Variants in FBLL1 observed in about 807,000 individuals in gnomAD.
FBLL1 encodes the protein RNA 2'-O-methyltransferase FBLL1.
Under a neutral mutation model 5.7 loss-of-function variants are expected in FBLL1, and 6 were observed. The observed-to-expected ratio is 1.05, with a 90% CI of 0.57 to 2.07. The LOEUF is 2.07. Ranked by LOEUF, FBLL1 falls within the 30% of genes most tolerant of loss-of-function variation. FBLL1 has a pLI of 0.00. For synonymous variants in FBLL1, 133 were observed against 75.1 expected, an observed-to-expected ratio of 1.77 and a Z score of -3.99; for missense variants, 258 against 165.2, an observed-to-expected ratio of 1.56 and a Z score of -3.08.
chr5:168,530,476 C>G lies in FBLL1; in HGVS notation c.972C>G (p.Val324=). The G allele has an allele frequency of 1.3e-6, 1 of 762,986 alleles. No homozygotes were observed. The highest frequency in any genetic ancestry group is 1.7e-5 in the African/African-American group (1 of 59,210). 47.3% of individuals were successfully genotyped at this position (762,986 alleles called of 1,614,324 possible). Residue 324 remains valine (V), a synonymous_variant, in exon 1 of 1, where the codon GTC becomes GTG. Transcript: ENST00000338333. The surrounding 1 kb of genome is among the most constrained non-coding windows in gnomAD (Gnocchi z 4.9). ...GGGACCACGCTGTGGTGGTCGGGGT[C>G]TACCGACCTCTTCCCAAGAGCAGCA... ...YERDHAVVVG[V]YRPLPKSSSK
Position 168,530,473 on chromosome 5 carries a change from G to T in FBLL1, c.969G>T (p.Gly323=). ...AGCGGGACCACGCTGTGGTGGTCGG[G>T]GTCTACCGACCTCTTCCCAAGAGCA... ...PYERDHAVVV[G]VYRPLPKSSS... The change falls in exon 1 of 1, where the codon GGG becomes GGT. Residue 323 remains glycine, a synonymous_variant. Coordinates refer to ENST00000338333, the MANE Select transcript of FBLL1 (RefSeq NM_001355274.2). This position sits in a 1 kb window ranked among gnomAD's most constrained non-coding sequence, Gnocchi z 4.9. 1 of 763,192 alleles carries T rather than the reference G, an allele frequency of 1.3e-6. No homozygotes were observed. The highest frequency in any genetic ancestry group is 2.4e-6 in the Non-Finnish European group (1 of 417,118). The allele number at this position is 763,192 out of a possible 1,614,324, so 47.3% of individuals were successfully genotyped here. A position where few individuals can be genotyped will look rare whatever the true frequency, so the allele number is the denominator to read the frequency against.
chr5:168,530,016 C>T lies in FBLL1; in HGVS notation c.512C>T (p.Pro171Leu). 1.3e-6 allele frequency: 1 copy of T among 754,710 alleles called. No individual in the cohort carries two copies. Among genetic ancestry groups the T allele is most frequent in the Non-Finnish European group, 2.4e-6 (1 of 413,036 alleles). 46.8% of individuals were successfully genotyped at this position (754,710 alleles called of 1,614,324 possible). ...GGGGTGGACCAGATCCACATCAAGC[C>T]CAAGTCCAAGGTGCTGTACCTGGGC... is the stretch of plus-strand genomic sequence containing the variant. ...LGGVDQIHIK[P>L]KSKVLYLGAA... Residue 171 changes from proline (P) to leucine (L), a missense_variant, in exon 1 of 1, where the codon CCC becomes CTC. Physicochemically the swap from Pro to Leu is moderately conservative, Grantham distance 98. Transcript: ENST00000338333. This position sits in a 1 kb window ranked among gnomAD's most constrained non-coding sequence, Gnocchi z 4.9.
Position 168,530,068 on chromosome 5 carries a change from T to A in FBLL1, c.564T>A (p.His188Gln). The change falls in exon 1 of 1, where the codon CAT becomes CAA. Residue 188 changes from histidine (H) to glutamine (Q), a missense_variant. By Grantham distance (24) the His-to-Gln change is conservative (BLOSUM62 0). Coordinates refer to ENST00000338333, the MANE Select transcript of FBLL1 (RefSeq NM_001355274.2). This position sits in a 1 kb window ranked among gnomAD's most constrained non-coding sequence, Gnocchi z 4.9. Reference sequence around the variant, plus strand: ...CCGCGTCGGGCACCACCGTCTCCCATGTCTCCGACATCATTGGCCCAGACG... The same window carrying A: ...CCGCGTCGGGCACCACCGTCTCCCAAGTCTCCGACATCATTGGCCCAGACG... Reference protein sequence around the residue: ...LGAASGTTVSHVSDIIGPDGL... With the variant: ...LGAASGTTVSQVSDIIGPDGL... The A allele has an allele frequency of 1.3e-6, 1 of 758,666 alleles. No individual in the cohort carries two copies. Among genetic ancestry groups the A allele is most frequent in the Non-Finnish European group, 2.4e-6 (1 of 415,194 alleles). The allele number at this position is 758,666 out of a possible 1,614,324, so 47.0% of individuals were successfully genotyped here.
rs1239674311 is a variant in FBLL1, at chr5:168,529,668, G to A, written c.164G>A (p.Arg55His). ...AAGGGCGGCTTCGGGGCGCGGGCGC[G>A]CGGCTTCGGCGGGGGCGGCCGGGGC... is the stretch of plus-strand genomic sequence containing the variant. ...GGKGGFGARA[R>H]GFGGGGRGRG... The change falls in exon 1 of 1, where the codon CGC (arginine) becomes CAC (histidine). Residue 55 changes from arginine (R) to histidine (H), a missense_variant. By Grantham distance (29) the Arg-to-His change is conservative. Transcript: ENST00000338333. This position sits in a 1 kb window ranked among gnomAD's most constrained non-coding sequence, Gnocchi z 7.2. The A allele has an allele frequency of 1.8e-5, 3 of 164,718 alleles. No individual in the cohort carries two copies. The highest frequency in any genetic ancestry group is 2.4e-5 in the African/African-American group (1 of 41,234). 10.2% of individuals were successfully genotyped at this position (164,718 alleles called of 1,614,324 possible).
At position 168,529,810 on chromosome 5, in the gene FBLL1, G is replaced by T. The variant is rs1758945979; in HGVS notation, c.306G>T (p.Pro102=). The T allele has an allele frequency of 1.4e-6, 1 of 700,098 alleles. No homozygotes were observed. The highest frequency in any genetic ancestry group is 2.6e-6 in the Non-Finnish European group (1 of 384,146). The allele number at this position is 700,098 out of a possible 1,614,324, so 43.4% of individuals were successfully genotyped here. The change falls in exon 1 of 1, where the codon CCG becomes CCT. Residue 102 remains proline, a synonymous_variant. Coordinates refer to ENST00000338333, the MANE Select transcript of FBLL1 (RefSeq NM_001355274.2). This position sits in a 1 kb window ranked among gnomAD's most constrained non-coding sequence, Gnocchi z 7.2. ...RKGAMVVSVE[P]HRHEGVFIYR... is the part of the protein sequence containing the mutation. Reference sequence around the variant, plus strand: ...GCGCCATGGTGGTGTCGGTGGAGCCGCACCGGCACGAGGGCGTCTTCATCT... The same window carrying T: ...GCGCCATGGTGGTGTCGGTGGAGCCTCACCGGCACGAGGGCGTCTTCATCT...
chr5:168,529,531 G>GGGCGGTGGGGGC lies in FBLL1; in HGVS notation c.31_42dup (p.Gly11_Gly14dup), dbSNP rs1758933807. 6.6e-6 allele frequency: 1 copy of GGGCGGTGGGGGC among 151,548 alleles called. No homozygotes were observed. Among genetic ancestry groups the GGGCGGTGGGGGC allele is most frequent in the Non-Finnish European group, 1.5e-5 (1 of 68,138 alleles). The allele number at this position is 151,548 out of a possible 1,614,324, so 9.4% of individuals were successfully genotyped here. On this transcript the variant is annotated inframe_insertion, in exon 1 of 1. Transcript: ENST00000338333. This position sits in a 1 kb window ranked among gnomAD's most constrained non-coding sequence, Gnocchi z 7.2. ...TGAAGTCGGCCGCGAGCTCGCGCGGGGGCGGTGGGGGCGGCCGCGGGGGCG... is the reference window on the plus strand; with the variant it reads ...TGAAGTCGGCCGCGAGCTCGCGCGGGGGCGGTGGGGGCGGCGGTGGGGGCGGCCGCGGGGGCG...
chr5:168,530,030 C>T lies in FBLL1; in HGVS notation c.526C>T (p.Leu176=), dbSNP rs1758950214. The change falls in exon 1 of 1, where the codon CTG becomes TTG. Residue 176 remains leucine (L), a synonymous_variant. Transcript: ENST00000338333. The surrounding 1 kb of genome is among the most constrained non-coding windows in gnomAD (Gnocchi z 4.9). ...QIHIKPKSKV[L]YLGAASGTTV... ...CCACATCAAGCCCAAGTCCAAGGTG[C>T]TGTACCTGGGCGCCGCGTCGGGCAC... is the stretch of plus-strand genomic sequence containing the variant. The T allele has an allele frequency of 1.3e-6, 1 of 756,300 alleles. No homozygotes were observed. Among genetic ancestry groups the T allele is most frequent in the Non-Finnish European group, 2.4e-6 (1 of 414,024 alleles). 46.8% of individuals were successfully genotyped at this position (756,300 alleles called of 1,614,324 possible).
rs1166596824 is a variant in FBLL1 at position 168,529,684 on chromosome 5, C to CGGCCGG, written c.189_194dup (p.Arg66_Gly67dup). On this transcript the variant is annotated inframe_insertion, in exon 1 of 1. Transcript: ENST00000338333. This position sits in a 1 kb window ranked among gnomAD's most constrained non-coding sequence, Gnocchi z 7.2. ...CGCGGGCGCGCGGCTTCGGCGGGGGCGGCCGGGGCCGGGGGCGCGGCGGCG... is the reference window on the plus strand; with the variant it reads ...CGCGGGCGCGCGGCTTCGGCGGGGGCGGCCGGGGCCGGGGCCGGGGGCGCGGCGGCG... 7.8e-6 allele frequency: 2 copies of CGGCCGG among 257,076 alleles called. No homozygotes were observed. Among genetic ancestry groups the CGGCCGG allele is most frequent in the Non-Finnish European group, 7.3e-6 (1 of 136,706 alleles). 15.9% of individuals were successfully genotyped at this position (257,076 alleles called of 1,614,324 possible). A position where few individuals can be genotyped will look rare whatever the true frequency, so the allele number is the denominator to read the frequency against.
At position 168,530,399 on chromosome 5, in the gene FBLL1, C is replaced by A; in HGVS notation, c.895C>A (p.Gln299Lys). ...AVFASEVRKLQQENLKPQEQL... is the reference protein window; with the variant it reads ...AVFASEVRKLKQENLKPQEQL... ...GTTTGCTTCTGAGGTGAGGAAGTTG[C>A]AGCAGGAGAACTTGAAGCCTCAAGA... Residue 299 changes from glutamine to lysine, a missense_variant, in exon 1 of 1, where the codon CAG becomes AAG. Transcript: ENST00000338333. This position sits in a 1 kb window ranked among gnomAD's most constrained non-coding sequence, Gnocchi z 4.9. 1 of 764,820 alleles carries A rather than the reference C, an allele frequency of 1.3e-6. No homozygotes were observed. Among genetic ancestry groups the A allele is most frequent in the Non-Finnish European group, 2.4e-6 (1 of 417,658 alleles). 47.4% of individuals were successfully genotyped at this position (764,820 alleles called of 1,614,324 possible). A position where few individuals can be genotyped will look rare whatever the true frequency, so the allele number is the denominator to read the frequency against.
rs1010849816 is a variant in FBLL1 at position 168,530,119 on chromosome 5, C to T, written c.615C>T (p.Ser205=). 2.6e-6 allele frequency: 2 copies of T among 762,742 alleles called. No homozygotes were observed. Among genetic ancestry groups the T allele is most frequent in the Admixed American group, 1.7e-5 (1 of 58,632 alleles). The allele number at this position is 762,742 out of a possible 1,614,324, so 47.2% of individuals were successfully genotyped here. The change falls in exon 1 of 1, where the codon TCC becomes TCT. Residue 205 remains serine (S), a synonymous_variant. Transcript: ENST00000338333. This position sits in a 1 kb window ranked among gnomAD's most constrained non-coding sequence, Gnocchi z 4.9. Reference sequence around the variant, plus strand: ...GCCTGGTCTACGCCGTCGAGTTCTCCCACCGCGCCGGCCGCGATCTGGTCA... The same window carrying T: ...GCCTGGTCTACGCCGTCGAGTTCTCTCACCGCGCCGGCCGCGATCTGGTCA... The part of the protein sequence containing the change: ...PDGLVYAVEF[S]HRAGRDLVNV...
At position 168,530,058 on chromosome 5, in the gene FBLL1, C is replaced by G. The variant is rs779807977; in HGVS notation, c.554C>G (p.Thr185Ser). 1.3e-6 allele frequency: 1 copy of G among 757,774 alleles called. No individual in the cohort carries two copies. Among genetic ancestry groups the G allele is most frequent in the Non-Finnish European group, 2.4e-6 (1 of 414,842 alleles). The allele number at this position is 757,774 out of a possible 1,614,324, so 46.9% of individuals were successfully genotyped here. A position where few individuals can be genotyped will look rare whatever the true frequency, so the allele number is the denominator to read the frequency against. Residue 185 changes from threonine to serine, a missense_variant, in exon 1 of 1, where the codon ACC (threonine) becomes AGC (serine). Coordinates refer to ENST00000338333, the MANE Select transcript of FBLL1 (RefSeq NM_001355274.2). This position sits in a 1 kb window ranked among gnomAD's most constrained non-coding sequence, Gnocchi z 4.9. Reference protein sequence around the residue: ...VLYLGAASGTTVSHVSDIIGP... With the variant: ...VLYLGAASGTSVSHVSDIIGP... ...TACCTGGGCGCCGCGTCGGGCACCA[C>G]CGTCTCCCATGTCTCCGACATCATT...
At position 168,530,445 on chromosome 5, in the gene FBLL1, A is replaced by G. The variant is rs753574360; in HGVS notation, c.941A>G (p.Tyr314Cys). ...CAAGAGCAGCTGACCCTGGAGCCCT[A>G]TGAGCGGGACCACGCTGTGGTGGTC... ...KPQEQLTLEP[Y>C]ERDHAVVVGV... Residue 314 changes from tyrosine (Y) to cysteine (C), a missense_variant, in exon 1 of 1, where the codon TAT becomes TGT. Tyr to Cys is a radical substitution (Grantham distance 194, BLOSUM62 -2). Coordinates refer to ENST00000338333, the MANE Select transcript of FBLL1 (RefSeq NM_001355274.2). The surrounding 1 kb of genome is among the most constrained non-coding windows in gnomAD (Gnocchi z 4.9). 7 of 763,598 alleles carry G rather than the reference A, an allele frequency of 9.2e-6. No individual in the cohort carries two copies. Among genetic ancestry groups the G allele is most frequent in the South Asian group, 2.7e-5 (2 of 74,152 alleles). The allele number at this position is 763,598 out of a possible 1,614,324, so 47.3% of individuals were successfully genotyped here. A position where few individuals can be genotyped will look rare whatever the true frequency, so the allele number is the denominator to read the frequency against.
chr5:168,529,992 G>T lies in FBLL1; in HGVS notation c.488G>T (p.Gly163Val). 1.3e-6 allele frequency: 1 copy of T among 752,238 alleles called. No homozygotes were observed. 46.6% of individuals were successfully genotyped at this position (752,238 alleles called of 1,614,324 possible). Reference sequence around the variant, plus strand: ...AAGCTGGCCGCGGCCATCCTGGGCGGGGTGGACCAGATCCACATCAAGCCC... The same window carrying T: ...AAGCTGGCCGCGGCCATCCTGGGCGTGGTGGACCAGATCCACATCAAGCCC... ...RSKLAAAILG[G>V]VDQIHIKPKS... Residue 163 changes from glycine to valine, a missense_variant, in exon 1 of 1, where the codon GGG becomes GTG. By Grantham distance (109) the Gly-to-Val change is moderately radical. Transcript: ENST00000338333. The surrounding 1 kb of genome is among the most constrained non-coding windows in gnomAD (Gnocchi z 7.2).
In FBLL1 at chr5:168,530,547, G is replaced by C. The variant is rs1758962080; in HGVS notation, c.*38G>C. The C allele has an allele frequency of 1.4e-6, 1 of 711,852 alleles. No homozygotes were observed. 44.1% of individuals were successfully genotyped at this position (711,852 alleles called of 1,614,324 possible). ...GCTCGCCTGCCATCTCCCCAAGGCTGCGTTGTGTTTGCTATTATTTTCTGT... is the reference window on the plus strand; with the variant it reads ...GCTCGCCTGCCATCTCCCCAAGGCTCCGTTGTGTTTGCTATTATTTTCTGT... On this transcript the variant is annotated 3_prime_UTR_variant, in exon 1 of 1. Coordinates refer to ENST00000338333, the MANE Select transcript of FBLL1 (RefSeq NM_001355274.2). The surrounding 1 kb of genome is among the most constrained non-coding windows in gnomAD (Gnocchi z 4.9).
rs1213433287 is a variant in FBLL1 at position 168,529,709 on chromosome 5, G to C, written c.205G>C (p.Gly69Arg). Residue 69 changes from glycine (G) to arginine (R), a missense_variant, in exon 1 of 1, where the codon GGC becomes CGC. Physicochemically the swap from Gly to Arg is moderately radical, Grantham distance 125. Coordinates refer to ENST00000338333, the MANE Select transcript of FBLL1 (RefSeq NM_001355274.2). The surrounding 1 kb of genome is among the most constrained non-coding windows in gnomAD (Gnocchi z 7.2). ...GGGRGRGRGG[G>R]DGKDRGGGGQ... ...CGGCCGGGGCCGGGGGCGCGGCGGC[G>C]GCGACGGCAAGGATCGCGGCGGCGG... 1 of 396,068 alleles carries C rather than the reference G, an allele frequency of 2.5e-6. No individual in the cohort carries two copies. Among genetic ancestry groups the C allele is most frequent in the Admixed American group, 4.5e-5 (1 of 22,220 alleles). 24.5% of individuals were successfully genotyped at this position (396,068 alleles called of 1,614,324 possible).
rs777652411 is a variant in FBLL1 at position 168,529,947 on chromosome 5, C to G, written c.443C>G (p.Thr148Arg). The change falls in exon 1 of 1, where the codon ACG (threonine) becomes AGG (arginine). Residue 148 changes from threonine to arginine, a missense_variant. Physicochemically the swap from Thr to Arg is moderately conservative, Grantham distance 71 (BLOSUM62 -1). Transcript: ENST00000338333. The surrounding 1 kb of genome is among the most constrained non-coding windows in gnomAD (Gnocchi z 7.2). The part of the protein sequence containing the change: ...TEGGVKQEYR[T>R]WNPFRSKLAA... ...GGCGGCGTGAAGCAGGAGTACCGCA[C>G]GTGGAACCCGTTCCGCTCTAAGCTG... is the stretch of plus-strand genomic sequence containing the variant. 8.1e-6 allele frequency: 6 copies of G among 740,342 alleles called. No individual in the cohort carries two copies. 45.9% of individuals were successfully genotyped at this position (740,342 alleles called of 1,614,324 possible).
rs367876900 is a variant in FBLL1 at position 168,530,275 on chromosome 5, C to T, written c.771C>T (p.Ile257=). The T allele has an allele frequency of 1.3e-5, 10 of 765,862 alleles. No homozygotes were observed. Among genetic ancestry groups the T allele is most frequent in the Admixed American group, 3.4e-5 (2 of 59,020 alleles). The allele number at this position is 765,862 out of a possible 1,614,324, so 47.4% of individuals were successfully genotyped here. Residue 257 remains isoleucine (I), a synonymous_variant, in exon 1 of 1, where the codon ATC becomes ATT. Transcript: ENST00000338333. The surrounding 1 kb of genome is among the most constrained non-coding windows in gnomAD (Gnocchi z 4.9). ...TGGCCCAGCCGGACCAGTCCCGCAT[C>T]GTGGCCCTGAACGCCCACACCTTCC... ...ADVAQPDQSR[I]VALNAHTFLR...
rs1421039309 is a variant in FBLL1 at position 168,529,898 on chromosome 5, G to T, written c.394G>T (p.Glu132Ter). 2.8e-6 allele frequency: 2 copies of T among 722,722 alleles called. No homozygotes were observed. Among genetic ancestry groups the T allele is most frequent in the African/African-American group, 3.4e-5 (2 of 58,330 alleles). The allele number at this position is 722,722 out of a possible 1,614,324, so 44.8% of individuals were successfully genotyped here. ...NMVPGQSVYG[E>*]RRVTVTEGGV... is the part of the protein sequence containing the mutation. Reference sequence around the variant, plus strand: ...GGTGCCGGGCCAGTCTGTGTACGGCGAGAGGCGCGTCACGGTGACCGAGGG... The same window carrying T: ...GGTGCCGGGCCAGTCTGTGTACGGCTAGAGGCGCGTCACGGTGACCGAGGG... Residue 132 changes from glutamate to a stop codon, truncating the protein, a stop_gained, in exon 1 of 1, where the codon GAG becomes TAG. Coordinates refer to ENST00000338333, the MANE Select transcript of FBLL1 (RefSeq NM_001355274.2). LOFTEE classifies it high-confidence loss of function. This position sits in a 1 kb window ranked among gnomAD's most constrained non-coding sequence, Gnocchi z 7.2.
chr5:168,530,232 AC>A lies in FBLL1; in HGVS notation c.729del (p.Asp243GlufsTer2), dbSNP rs1758954552. The part of the protein sequence containing the change: ...LKYRMLIGMV[D>X]VIFADVAQPD... ...TACCGCATGCTCATCGGGATGGTGG[AC>A]GTGATCTTCGCCGACGTGGCCCAGC... On this transcript the variant is annotated frameshift_variant, in exon 1 of 1. Transcript: ENST00000338333. LOFTEE classifies it high-confidence loss of function. The surrounding 1 kb of genome is among the most constrained non-coding windows in gnomAD (Gnocchi z 4.9). 1.3e-6 allele frequency: 1 copy of A among 765,674 alleles called. No individual in the cohort carries two copies. The highest frequency in any genetic ancestry group is 1.7e-5 in the African/African-American group (1 of 59,140). 47.4% of individuals were successfully genotyped at this position (765,674 alleles called of 1,614,324 possible). A position where few individuals can be genotyped will look rare whatever the true frequency, so the allele number is the denominator to read the frequency against.
Sources: allele counts gnomAD v4.1 joint callset, GRCh38; gene constraint gnomAD v4.1.1; non-coding constraint Gnocchi (gnomAD v3.1); transcripts MANE v1.5; gene names NCBI Gene and HGNC (gene_info 2026-07-23, HGNC 2026-07-21).